The following OSBPL1A variants were observed in gnomAD, a reference collection of about 807,000 sequenced individuals.
OSBPL1A encodes oxysterol-binding protein-related protein 1.
In OSBPL1A, 80 loss-of-function variants were observed where a neutral mutation model predicts 137.1. The observed-to-expected ratio is 0.58, with a 90% CI of 0.49 to 0.70. The LOEUF (loss-of-function observed/expected upper bound fraction) is 0.70, where lower values mean the gene tolerates loss of function less well. OSBPL1A is among the 30% of genes least tolerant of loss of function. OSBPL1A has a pLI of 0.00. For synonymous variants in OSBPL1A, 365 were observed against 389.7 expected, an observed-to-expected ratio of 0.94 and a Z score of 0.75; for missense variants, 970 against 1,129.4, an observed-to-expected ratio of 0.86 and a Z score of 2.02.
chr18:24,170,795 C>T (rs1049831954), intron 23 of OSBPL1A, among the ~76,000 whole-genome samples: 3 of 152,036 alleles, frequency 2.0e-5, no homozygotes, highest in African/African-American at 7.2e-5. Context: ...CACAGGCATG[C>T]GCCACTACGC....
intron 14 of OSBPL1A, among the ~76,000 whole-genome samples, chr18:24,302,000 G>A (rs902908289): frequency 2.0e-5 from 3 of 152,200 alleles, no homozygotes; most frequent in East Asian, 1.9e-4. Context: ...AGGCCAACGC[G>A]GGTGGATCAC....
intron 4 of OSBPL1A, among the ~76,000 whole-genome samples, chr18:24,359,489 C>G (rs892803890): frequency 2.6e-5 from 4 of 151,038 alleles, no homozygotes; most frequent in African/African-American, 4.9e-5. Flanking sequence ...GCTTAAGGTT[C>G]AAGACCAGCC....
At chr18:24,203,270 C>G (rs918777354) in intron 17 of OSBPL1A, among the ~76,000 whole-genome samples, 13 of 152,204 alleles carry the variant, frequency 8.5e-5, no homozygotes, top group Non-Finnish European at 1.6e-4. Context: ...AGCCACCGTG[C>G]TTGGCCAAAA....
chr18:24,233,752 T>C (rs1216102078), intron 16 of OSBPL1A, among the ~76,000 whole-genome samples: 3 of 151,988 alleles, frequency 2.0e-5, no homozygotes, highest in Non-Finnish European at 4.4e-5. Flanking sequence ...AGGTTCAAGC[T>C]ATTCTCCTGC....
intron 21 of OSBPL1A, among the ~76,000 whole-genome samples, chr18:24,175,139 C>A (rs9676135): frequency 8.3e-6 from 1 of 119,876 alleles, no homozygotes; most frequent in African/African-American, 4.3e-5. Context: ...TATATATACA[C>A]ATATATATAT....
intron 18 of OSBPL1A, among the ~76,000 whole-genome samples, chr18:24,189,600 T>C (rs1430867101): frequency 2.6e-5 from 4 of 152,210 alleles, no homozygotes; most frequent in Non-Finnish European, 5.9e-5. Flanking sequence ...TGTGCTTACA[T>C]TTGAGGGCAT....
intron 1 of OSBPL1A, among the ~76,000 whole-genome samples, chr18:24,388,247 G>A (rs933949455): frequency 6.6e-6 from 1 of 152,086 alleles, no homozygotes; most frequent in Non-Finnish European, 1.5e-5. Flanking sequence ...CTGTAAACTC[G>A]ATGAGAACAA....
chr18:24,318,759 C>G lies in OSBPL1A; in HGVS notation c.676G>C (p.Val226Leu). The change falls in exon 8 of 28, where the codon GTT becomes CTT. Residue 226 changes from valine to leucine, a missense_variant. Around this residue, in one of 2 missense-constraint regions of OSBPL1A, gnomAD observed 647 missense variants for 672.6 expected, o/e 0.96. Transcript: ENST00000319481. Reference protein sequence around the residue: ...AQGAEMKHILVGNKVIYKALK... With the variant: ...AQGAEMKHILLGNKVIYKALK... ...TCATTACTCTGTACCTTATTACCAA[C>G]AAGAATGTGTTTCATTTCAGCACCC... The G allele has an allele frequency of 6.2e-7, 1 of 1,612,956 alleles. No homozygotes were observed. Among genetic ancestry groups the G allele is most frequent in the Non-Finnish European group, 8.5e-7 (1 of 1,179,782 alleles).
At chr18:24,164,490 G>A (rs536270779) in intron 27 of OSBPL1A, among the ~76,000 whole-genome samples, 299 of 141,344 alleles carry the variant, frequency 2.1e-3, no homozygotes, top group African/African-American at 7.2e-3. Context: ...GTGCAGTGGC[G>A]CAATCTCAGC....
chr18:24,255,756 ATTT>A (rs536171928), intron 15 of OSBPL1A, among the ~76,000 whole-genome samples: 9 of 138,114 alleles, frequency 6.5e-5, no homozygotes, highest in Admixed American at 7.2e-5. Flanking sequence ...AAACTTTCTA[ATTT>A]TTTTTTTTTT....
rs61065111 is a variant in OSBPL1A, at chr18:24,193,487, C to CAAAA, written c.1677+2634_1677+2637dup. ...TGGGCAACAAAGTGAGACTCCGACT[C>CAAAA]AAAAAAAAAAAAAAAAAGTGGTAAT... On this transcript the variant is annotated intron_variant, in intron 18 of 27. Coordinates refer to ENST00000319481, the MANE Select transcript of OSBPL1A (RefSeq NM_080597.4). Among the ~76,000 whole-genome samples the CAAAA allele has an allele frequency of 4.1e-4, 32 of 78,894 alleles. 1 individual carries two copies. Among genetic ancestry groups the CAAAA allele is most frequent in the East Asian group, 2.9e-3 (10 of 3,426 alleles). The allele number at this position is 78,894 out of a possible 152,430, so 51.8% of individuals were successfully genotyped here.
intron 15 of OSBPL1A, among the ~76,000 whole-genome samples, chr18:24,241,057 A>T (rs1179552169): frequency 6.6e-6 from 1 of 152,248 alleles, no homozygotes; most frequent in African/African-American, 2.4e-5. Flanking sequence ...TAGTGTTGGG[A>T]AAACTGGCTA....
intron 17 of OSBPL1A, among the ~76,000 whole-genome samples, chr18:24,203,614 TTC>T (rs935266371): frequency 2.6e-5 from 4 of 152,158 alleles, no homozygotes; most frequent in Admixed American, 2.6e-4. Flanking sequence ...CCCCGCTTTG[TTC>T]TTTTTGCTTG....
In OSBPL1A at chr18:24,303,651, C is replaced by T. The variant is rs753174095; in HGVS notation, c.1160G>A (p.Cys387Tyr). The stretch of plus-strand genomic sequence containing the variant: ...TGTCTTTTTACCTTTAGCCATGTCA[C>T]ACTCCTTAATCATTTTGAGAAAGTT... The part of the protein sequence containing the change: ...ISNFLKMIKE[C>Y]DMAKEMLPSF... Residue 387 changes from cysteine to tyrosine, a missense_variant, in exon 14 of 28, where the codon TGT (cysteine) becomes TAT (tyrosine). Transcript: ENST00000319481. 6.2e-7 allele frequency: 1 copy of T among 1,613,028 alleles called. No homozygotes were observed. The highest frequency in any genetic ancestry group is 1.1e-5 in the South Asian group (1 of 91,030).
chr18:24,198,800 G>C (rs118028761), intron 17 of OSBPL1A, among the ~76,000 whole-genome samples: 1 of 151,908 alleles, frequency 6.6e-6, no homozygotes, highest in African/African-American at 2.4e-5. Context: ...GAGCGTTCCC[G>C]AGGGCAACCT....
chr18:24,308,311 T>TAAAA (rs2090545636), intron 13 of OSBPL1A, among the ~76,000 whole-genome samples: 1 of 151,754 alleles, frequency 6.6e-6, no homozygotes, highest in Non-Finnish European at 1.5e-5. Flanking sequence ...AGACAGGGTT[T>TAAAA]TGCCATGTTG....
At chr18:24,303,067 C>A (rs570326120) in intron 14 of OSBPL1A, among the ~76,000 whole-genome samples, 2 of 152,182 alleles carry the variant, frequency 1.3e-5, no homozygotes, top group Admixed American at 1.3e-4. Flanking sequence ...CCGGCATATT[C>A]TCAGCTCACT....
chr18:24,177,918 TCCAG>T, intron 21 of OSBPL1A, 91 bp downstream of exon 21: 1 of 1,239,006 alleles, frequency 8.1e-7, no homozygotes, highest in Non-Finnish European at 1.1e-6. Context: ...TTTCTTTTTC[TCCAG>T]CTTTTGAACA....
At chr18:24,276,446 G>GT (rs896268208) in intron 15 of OSBPL1A, among the ~76,000 whole-genome samples, 45 of 152,058 alleles carry the variant, frequency 3.0e-4, no homozygotes, top group African/African-American at 1.0e-3. Context: ...TTTTTTGTTT[G>GT]TTTTTTGTTT....
Sources: allele counts gnomAD v4.1 joint callset (sites outside exome capture counted in the v4.1 genomes callset), GRCh38; gene constraint gnomAD v4.1.1; regional missense constraint gnomAD v4.1.1; transcripts MANE v1.5; gene names NCBI Gene and HGNC (gene_info 2026-07-23, HGNC 2026-07-21).